The following GPC5 variants were observed in gnomAD, a reference collection of about 807,000 sequenced individuals.
GPC5 encodes glypican 5.
A neutral mutation model predicts 53.9 loss-of-function variants in GPC5; 47 were observed. The ratio of observed to expected loss-of-function variants is 0.87; its 90% confidence interval spans 0.69 to 1.11. The LOEUF (loss-of-function observed/expected upper bound fraction) is 1.11, where lower values mean the gene tolerates loss of function less well. Among genes scored for constraint, GPC5 ranks in the 50% most tolerant of loss-of-function variants. The pLI is 0.00. For synonymous variants in GPC5, 286 were observed against 263.3 expected, an observed-to-expected ratio of 1.09 and a Z score of -0.84; for missense variants, 748 against 713.1, an observed-to-expected ratio of 1.05 and a Z score of -0.56.
intron 2 of GPC5, among the ~76,000 whole-genome samples, chr13:91,480,939 C>T (rs1883266205): frequency 6.7e-6 from 1 of 148,868 alleles, no homozygotes; most frequent in Non-Finnish European, 1.5e-5. Flanking sequence ...AGTGATATTT[C>T]TGTGTTCTAT....
At chr13:91,819,151 CTTTTTTTT>C (rs386380203) in intron 5 of GPC5, among the ~76,000 whole-genome samples, 2 of 58,046 alleles carry the variant, frequency 3.4e-5, no homozygotes, top group Non-Finnish European at 5.8e-5. Context: ...AAAATATGCG[CTTTTTTTT>C]TTTTTTTTTT....
At chr13:92,654,155 A>C (rs1886050632) in intron 7 of GPC5, among the ~76,000 whole-genome samples, 1 of 152,228 alleles carries the variant, frequency 6.6e-6, no homozygotes, top group Non-Finnish European at 1.5e-5. Flanking sequence ...TGCCTTCCAA[A>C]AAGTGCAAAC....
At chr13:92,130,855 A>G in intron 6 of GPC5, among the ~76,000 whole-genome samples, 1 of 151,982 alleles carries the variant, frequency 6.6e-6, no homozygotes, top group East Asian at 1.9e-4. Flanking sequence ...TTATGTAGAT[A>G]AAGTACTGAA....
intron 7 of GPC5, among the ~76,000 whole-genome samples, chr13:92,328,920 T>A (rs1405398026): frequency 1.3e-5 from 2 of 152,162 alleles, no homozygotes; most frequent in Non-Finnish European, 2.9e-5. Flanking sequence ...CCTCACCAGA[T>A]GTTGCTTTTC....
chr13:92,174,171 G>A (rs894359532), intron 7 of GPC5, among the ~76,000 whole-genome samples: 1 of 151,506 alleles, frequency 6.6e-6, no homozygotes, highest in Non-Finnish European at 1.5e-5. Context: ...TCATCTTTAC[G>A]TCATTAAAAA....
At chr13:92,430,630 A>C (rs1409081901) in intron 7 of GPC5, among the ~76,000 whole-genome samples, 1 of 152,174 alleles carries the variant, frequency 6.6e-6, no homozygotes, top group Non-Finnish European at 1.5e-5. Context: ...GTAGAGAATC[A>C]CTGGGTAAGG....
At chr13:92,639,512 G>A (rs1436437385) in intron 7 of GPC5, among the ~76,000 whole-genome samples, 3 of 152,176 alleles carry the variant, frequency 2.0e-5, no homozygotes, top group Non-Finnish European at 4.4e-5. Flanking sequence ...AATGGCAAAT[G>A]AATTGGTCAC....
intron 5 of GPC5, among the ~76,000 whole-genome samples, chr13:91,836,748 A>T (rs1425007773): frequency 6.6e-6 from 1 of 151,742 alleles, no homozygotes; most frequent in Non-Finnish European, 1.5e-5. Context: ...CAAATCCTTA[A>T]TTTTTGCTGA....
At chr13:92,784,162 C>T (rs1300292746) in intron 7 of GPC5, among the ~76,000 whole-genome samples, 2 of 152,100 alleles carry the variant, frequency 1.3e-5, no homozygotes, top group Non-Finnish European at 2.9e-5. Context: ...ATTTGGTAAA[C>T]TCAGGAACAG....
intron 7 of GPC5, among the ~76,000 whole-genome samples, chr13:92,805,241 T>C (rs951789053): frequency 1.5e-4 from 23 of 152,066 alleles, no homozygotes; most frequent in African/African-American, 5.1e-4. Flanking sequence ...GAGCAATCAC[T>C]ATCTATGGCA....
In GPC5 at chr13:92,807,953, TATGTC is replaced by T. The variant is rs570333605; in HGVS notation, c.1562-58322_1562-58318del. 1.6e-4 allele frequency among the ~76,000 whole-genome samples: 25 copies of T among 152,256 alleles called. No individual in the cohort carries two copies. In the East Asian group the frequency reaches 4.1e-3, roughly 25 times the overall value. On this transcript the variant is annotated intron_variant, in intron 7 of 7. Transcript: ENST00000377067. ...GTGAAAGCACTGGTCCATGTAAATG[TATGTC>T]ATGTCAACATATTAAAATTATTGAT...
chr13:92,843,061 A>C (rs1438716309), intron 7 of GPC5, among the ~76,000 whole-genome samples: 1 of 152,198 alleles, frequency 6.6e-6, no homozygotes, highest in Non-Finnish European at 1.5e-5. Flanking sequence ...ATTGTTCAAG[A>C]AGCAATAAAG....
At chr13:91,654,135 T>C (rs2034789000) in intron 2 of GPC5, among the ~76,000 whole-genome samples, 1 of 152,164 alleles carries the variant, frequency 6.6e-6, no homozygotes, top group African/African-American at 2.4e-5. Flanking sequence ...TTTCACTTCC[T>C]AACATGAATA....
chr13:91,977,979 GAAAGAAAAGA>G (rs1433684012), intron 6 of GPC5, among the ~76,000 whole-genome samples: 1 of 135,796 alleles, frequency 7.4e-6, no homozygotes, highest in African/African-American at 3.0e-5. Context: ...AAGAAAGAAA[GAAAGAAAAGA>G]AAAAAAAAAT....
At chr13:91,720,271 ACT>A (rs1378880465) in intron 3 of GPC5, among the ~76,000 whole-genome samples, 1 of 151,922 alleles carries the variant, frequency 6.6e-6, no homozygotes, top group African/African-American at 2.4e-5. Flanking sequence ...TTCTTACCTG[ACT>A]CTGTGCTGAA....
intron 2 of GPC5, among the ~76,000 whole-genome samples, chr13:91,552,879 G>A (rs1460323315): frequency 2.0e-5 from 3 of 152,092 alleles, no homozygotes; most frequent in East Asian, 1.9e-4. Context: ...CAACAGGAAT[G>A]TTGTATTTTA....
intron 7 of GPC5, among the ~76,000 whole-genome samples, chr13:92,154,750 G>A (rs1285153788): frequency 6.6e-6 from 1 of 152,110 alleles, no homozygotes; most frequent in African/African-American, 2.4e-5. Context: ...CACAAACCTG[G>A]AATGAGCCAT....
chr13:92,009,253 C>CGTCTGTGTGTGT, intron 6 of GPC5, among the ~76,000 whole-genome samples: 1 of 139,832 alleles, frequency 7.2e-6, no homozygotes, highest in Middle Eastern at 3.7e-3. Context: ...GCTGGATTTT[C>CGTCTGTGTGTGT]GTGTGTGTGT....
intron 1 of GPC5, among the ~76,000 whole-genome samples, chr13:91,405,303 C>G (rs1877239288): frequency 6.6e-6 from 1 of 152,186 alleles, no homozygotes; most frequent in South Asian, 2.1e-4. Context: ...TCACCTCCAT[C>G]CACTAGATAC....
Sources: allele counts gnomAD v4.1 joint callset (sites outside exome capture counted in the v4.1 genomes callset), GRCh38; gene constraint gnomAD v4.1.1; transcripts MANE v1.5; gene names NCBI Gene and HGNC (gene_info 2026-07-23, HGNC 2026-07-21).